Variants in NXN observed in about 807,000 individuals in gnomAD.
NXN encodes the protein nucleoredoxin 1.
Under a neutral mutation model 48.6 loss-of-function variants are expected in NXN, and 16 were observed. The ratio of observed to expected loss-of-function variants is 0.33; its 90% CI spans 0.22 to 0.50. NXN has a LOEUF of 0.50. Ranked by LOEUF, NXN falls within the 20% of genes least tolerant of loss-of-function variation. The pLI is 0.98. For synonymous variants in NXN, 281 were observed against 269.6 expected, an observed-to-expected ratio of 1.04 and a Z score of -0.41; for missense variants, 492 against 605.5, an observed-to-expected ratio of 0.81 and a Z score of 1.97.
In NXN at chr17:885,672, C is replaced by CTTTTTTTTTT. The variant is rs532225883; in HGVS notation, c.361-59604_361-59595dup. Among the ~76,000 whole-genome samples the CTTTTTTTTTT allele has an allele frequency of 1.6e-3, 138 of 83,734 alleles. 14 individuals carry two copies. The highest frequency in any genetic ancestry group is 2.3e-3 in the Non-Finnish European group (108 of 47,538). 54.9% of individuals were successfully genotyped at this position (83,734 alleles called of 152,430 possible). A position where few individuals can be genotyped will look rare whatever the true frequency, so the allele number is the denominator to read the frequency against. ...GCCCACCTGGGGGCTGCGGTACTCGCTTTTTTTTTTTTTTTTTTTTTTTTT... is the reference window on the plus strand; with the variant it reads ...GCCCACCTGGGGGCTGCGGTACTCGCTTTTTTTTTTTTTTTTTTTTTTTTTTTTTTTTTTT... On this transcript the variant is annotated intron_variant, in intron 1 of 7. Coordinates refer to ENST00000336868, the MANE Select transcript of NXN (RefSeq NM_022463.5).
At chr17:940,979 T>C (rs1190984597) in intron 1 of NXN, among the ~76,000 whole-genome samples, 10 of 139,246 alleles carry the variant, frequency 7.2e-5, no homozygotes, top group African/African-American at 2.6e-4. Flanking sequence ...GATTCCAGGG[T>C]GCAGCCATGA....
In NXN at chr17:821,712, C is replaced by G. The variant is rs552009885; in HGVS notation, c.713+645G>C. Among the ~76,000 whole-genome samples the G allele has an allele frequency of 1.8e-3, 249 of 141,336 alleles. 1 individual carries two copies. Among genetic ancestry groups the G allele is most frequent in the Non-Finnish European group, 2.7e-3 (179 of 65,774 alleles). 92.7% of individuals were successfully genotyped at this position (141,336 alleles called of 152,430 possible). On this transcript the variant is annotated intron_variant, in intron 4 of 7. Transcript: ENST00000336868. ...CTTGCAGTGAGCCAAGATCGCACCA[C>G]TGCACCCCAGCCTGGGCGACAGAGC... is the stretch of plus-strand genomic sequence containing the variant.
intron 1 of NXN, among the ~76,000 whole-genome samples, chr17:974,982 G>A (rs1479953322): frequency 6.6e-6 from 1 of 151,952 alleles, no homozygotes; most frequent in Non-Finnish European, 1.5e-5. Context: ...ACCCACCACT[G>A]TGACCAGCTA....
intron 1 of NXN, among the ~76,000 whole-genome samples, chr17:916,100 C>T (rs1194334490): frequency 6.6e-6 from 1 of 152,228 alleles, no homozygotes; most frequent in Non-Finnish European, 1.5e-5. Flanking sequence ...AAGGGAGAAA[C>T]AGAATGATGA....
rs114359978 is a variant in NXN at position 953,762 on chromosome 17, C to A, written c.360+25557G>T. ...ACCAGCCTGGGCAACATAGTGAGAC[C>A]CCCATCTCTAACAAAAATTTAAAAA... On this transcript the variant is annotated intron_variant, in intron 1 of 7. Transcript: ENST00000336868. 4.7e-3 allele frequency among the ~76,000 whole-genome samples: 709 copies of A among 150,880 alleles called. 6 individuals carry two copies. Among genetic ancestry groups the A allele is most frequent in the African/African-American group, 0.016 (675 of 41,126 alleles).
At chr17:835,166 G>A (rs1315996915) in intron 1 of NXN, among the ~76,000 whole-genome samples, 2 of 151,442 alleles carry the variant, frequency 1.3e-5, no homozygotes, top group African/African-American at 4.9e-5. Flanking sequence ...AAATTAGCCG[G>A]GTGTGGTGAC....
rs1039242095 is a variant in NXN at position 866,312 on chromosome 17, G to A, written c.361-40234C>T. ...TATAAGAAACTTAAGGCTGGGCGCA[G>A]TGGCTCACACCTGTAATACCAGCAC... is the stretch of plus-strand genomic sequence containing the variant. On this transcript the variant is annotated intron_variant, in intron 1 of 7. Transcript: ENST00000336868. 1.6e-4 allele frequency among the ~76,000 whole-genome samples: 25 copies of A among 152,152 alleles called. 1 individual carries two copies. The highest frequency in any genetic ancestry group is 4.3e-4 in the African/African-American group (18 of 41,414).
chr17:812,837 AGTGTAGGTGTGTGCATGT>A (rs1303370024), intron 5 of NXN, among the ~76,000 whole-genome samples: 1 of 131,466 alleles, frequency 7.6e-6, no homozygotes, highest in East Asian at 2.3e-4. Flanking sequence ...TGCATGTGTG[AGTGTAGGTGTGTGCATGT>A]GTGTAGGTGT....
intron 1 of NXN, among the ~76,000 whole-genome samples, chr17:872,613 C>CT (rs34081114): frequency 0.056 from 4,250 of 75,246 alleles, 382 homozygotes; most frequent in African/African-American, 0.16. Flanking sequence ...CGGGTGAGAT[C>CT]TTTTTTTTTT....
chr17:948,596 C>T (rs2069071928), intron 1 of NXN, among the ~76,000 whole-genome samples: 1 of 152,004 alleles, frequency 6.6e-6, no homozygotes. Flanking sequence ...TGTTTAAAAG[C>T]TCCCGGGCGA....
chr17:909,329 G>A (rs1409713075), intron 1 of NXN, among the ~76,000 whole-genome samples: 2 of 152,140 alleles, frequency 1.3e-5, no homozygotes, highest in African/African-American at 2.4e-5. Context: ...GCATGAAACA[G>A]AGAGATTTTA....
At chr17:967,746 T>C (rs974792035) in intron 1 of NXN, among the ~76,000 whole-genome samples, 3 of 152,106 alleles carry the variant, frequency 2.0e-5, no homozygotes, top group Non-Finnish European at 4.4e-5. Flanking sequence ...CCGAGGCAGG[T>C]GGATCACGAG....
chr17:931,144 G>A (rs749907099), intron 1 of NXN, among the ~76,000 whole-genome samples: 31 of 152,214 alleles, frequency 2.0e-4, no homozygotes, highest in Middle Eastern at 6.8e-3. Flanking sequence ...GAAGTTCGCC[G>A]GGTGTGGTGT....
chr17:909,801 G>A (rs2068618149), intron 1 of NXN: 1 of 151,746 alleles, frequency 6.6e-6, no homozygotes, highest in Non-Finnish European at 1.5e-5. Context: ...GCCTCCCACA[G>A]TGCTGGGATG....
At chr17:939,290 T>C (rs1396744816) in intron 1 of NXN, among the ~76,000 whole-genome samples, 2 of 151,588 alleles carry the variant, frequency 1.3e-5, no homozygotes, top group African/African-American at 4.9e-5. Flanking sequence ...ATGGTACATA[T>C]ATACACATAG....
At chr17:949,845 G>A (rs981828113) in intron 1 of NXN, among the ~76,000 whole-genome samples, 1 of 151,418 alleles carries the variant, frequency 6.6e-6, no homozygotes, top group Non-Finnish European at 1.5e-5. Context: ...AGCAGTGGGG[G>A]CTGGGGTGGG....
chr17:956,960 G>GA lies in NXN; in HGVS notation c.360+22358dup, dbSNP rs1400632063. Among the ~76,000 whole-genome samples the GA allele has an allele frequency of 2.6e-5, 4 of 152,060 alleles. No homozygotes were observed. The highest frequency in any genetic ancestry group is 7.2e-5 in the African/African-American group (3 of 41,404). On this transcript the variant is annotated intron_variant, in intron 1 of 7. Transcript: ENST00000336868. This position sits in a 1 kb window ranked among gnomAD's most constrained non-coding sequence, Gnocchi z 4.1. The stretch of plus-strand genomic sequence containing the variant: ...GAACCAATACCATGGTCATCACCCA[G>GA]AAAAAACTCTAAATTTATAGGTATA...
At chr17:840,043 G>A (rs1369631349) in intron 1 of NXN, among the ~76,000 whole-genome samples, 1 of 148,890 alleles carries the variant, frequency 6.7e-6, no homozygotes, top group Non-Finnish European at 1.5e-5. Flanking sequence ...GTTGCAGTGA[G>A]CTGAGATCGT....
intron 1 of NXN, among the ~76,000 whole-genome samples, chr17:897,925 C>G (rs146895890): frequency 3.9e-5 from 6 of 152,356 alleles, no homozygotes; most frequent in African/African-American, 1.4e-4. Context: ...AGGTGATCCG[C>G]CCACCTCGGC....
Sources: allele counts gnomAD v4.1 joint callset (sites outside exome capture counted in the v4.1 genomes callset), GRCh38; gene constraint gnomAD v4.1.1; non-coding constraint Gnocchi (gnomAD v3.1); transcripts MANE v1.5; gene names NCBI Gene and HGNC (gene_info 2026-07-23, HGNC 2026-07-21).